SORCS2: variants seen among roughly 807,000 people sequenced by gnomAD.
The protein encoded by SORCS2 is VPS10 domain-containing receptor SorCS2.
In SORCS2, 100 loss-of-function variants were observed where a neutral mutation model predicts 141.6. The ratio of observed to expected loss-of-function variants is 0.71; its 90% CI spans 0.60 to 0.83. SORCS2 has a LOEUF of 0.83. SORCS2 is among the 40% of genes least tolerant of loss of function. The probability of loss-of-function intolerance (pLI) is 0.00; values close to 1 mark genes in which losing one functional copy is unlikely to be tolerated. For synonymous variants in SORCS2, 789 were observed against 676.9 expected (o/e 1.17, Z -2.57); for missense variants, 1,646 against 1,560.2 (o/e 1.05, Z -0.93).
rs1026208050 is a variant in SORCS2, at chr4:7,201,734, G to A, written c.480+8608G>A. Among the ~76,000 whole-genome samples, 2 of 152,114 alleles carry A rather than the reference G, an allele frequency of 1.3e-5. No individual in the cohort carries two copies. The highest frequency in any genetic ancestry group is 2.4e-5 in the African/African-American group (1 of 41,412). ...GGATGAGTTATTTATAGGTTCTTACGAATGGCCCACTTTGTCCTCGCCCCT... is the reference window on the plus strand; with the variant it reads ...GGATGAGTTATTTATAGGTTCTTACAAATGGCCCACTTTGTCCTCGCCCCT... On this transcript the variant is annotated intron_variant, in intron 1 of 26. Coordinates refer to ENST00000507866, the MANE Select transcript of SORCS2 (RefSeq NM_020777.3). This position sits in a 1 kb window ranked among gnomAD's most constrained non-coding sequence, Gnocchi z 4.4.
chr4:7,390,877 C>T (rs184291590), intron 1 of SORCS2, among the ~76,000 whole-genome samples: 16 of 152,274 alleles, frequency 1.1e-4, no homozygotes, highest in Admixed American at 2.6e-4. Flanking sequence ...AGGCATCGAT[C>T]GGCTCTAGTT....
chr4:7,630,605 GA>G (rs1454713155), intron 3 of SORCS2, among the ~76,000 whole-genome samples: 2 of 152,200 alleles, frequency 1.3e-5, no homozygotes, highest in African/African-American at 2.4e-5. Flanking sequence ...CTAGCCGCCG[GA>G]GTGTGTGCTG....
At chr4:7,543,664 C>G (rs1712915072) in intron 3 of SORCS2, among the ~76,000 whole-genome samples, 1 of 147,044 alleles carries the variant, frequency 6.8e-6, no homozygotes. Flanking sequence ...ATCCACCCAC[C>G]CATCCATCCA....
At chr4:7,646,456 T>A (rs1052694340) in intron 4 of SORCS2, among the ~76,000 whole-genome samples, 2 of 152,242 alleles carry the variant, frequency 1.3e-5, no homozygotes, top group African/African-American at 2.4e-5. Flanking sequence ...CAATCCCATT[T>A]GACTGGTGTC....
intron 1 of SORCS2, among the ~76,000 whole-genome samples, chr4:7,373,289 C>T (rs12511814): frequency 0.69 from 103,335 of 150,142 alleles, 35,861 homozygotes; most frequent in East Asian, 0.93. Flanking sequence ...TGTGTAGTGA[C>T]ATTGCATTGT....
chr4:7,415,938 G>A (rs1014542186), intron 2 of SORCS2, among the ~76,000 whole-genome samples: 3 of 152,198 alleles, frequency 2.0e-5, no homozygotes, highest in African/African-American at 7.2e-5. Flanking sequence ...TGTCTGAACT[G>A]GACTTTGAAG....
chr4:7,216,181 C>A (rs1439753378), intron 1 of SORCS2, among the ~76,000 whole-genome samples: 1 of 152,140 alleles, frequency 6.6e-6, no homozygotes, highest in Non-Finnish European at 1.5e-5. Context: ...GTGACACTCA[C>A]CGCAAAGGTC....
chr4:7,366,490 C>G (rs1302134063), intron 1 of SORCS2, among the ~76,000 whole-genome samples: 4 of 102,672 alleles, frequency 3.9e-5, no homozygotes, highest in African/African-American at 1.0e-4. Context: ...CCTCTCTCCC[C>G]CAACACTCCT....
chr4:7,707,620 C>T lies in SORCS2; in HGVS notation c.1868+3336C>T, dbSNP rs149882083. Reference sequence around the variant, plus strand: ...CCCTTCGAGGATCTGATCCCATCTGCAGGGTTGCCCTTGCTGGTGGCTGTG... The same window carrying T: ...CCCTTCGAGGATCTGATCCCATCTGTAGGGTTGCCCTTGCTGGTGGCTGTG... On this transcript the variant is annotated intron_variant, in intron 14 of 26. Coordinates refer to ENST00000507866, the MANE Select transcript of SORCS2 (RefSeq NM_020777.3). Among the ~76,000 whole-genome samples the T allele has an allele frequency of 2.7e-3, 418 of 152,358 alleles. 5 individuals are homozygous for T. Among genetic ancestry groups the T allele is most frequent in the African/African-American group, 9.4e-3 (389 of 41,588 alleles).
chr4:7,500,879 G>A (rs778374833), intron 2 of SORCS2, among the ~76,000 whole-genome samples: 6 of 152,120 alleles, frequency 3.9e-5, no homozygotes, highest in South Asian at 4.1e-4. Context: ...GGCAGCCCCC[G>A]CAGAATGAAA....
chr4:7,432,826 C>T (rs1008388088), intron 2 of SORCS2: 1 of 149,418 alleles, frequency 6.7e-6, no homozygotes, highest in African/African-American at 2.5e-5. Flanking sequence ...TTGAGAAGCT[C>T]TGGCCTGAGC....
intron 1 of SORCS2, among the ~76,000 whole-genome samples, chr4:7,354,649 A>C (rs1721141086): frequency 6.6e-6 from 1 of 152,134 alleles, no homozygotes; most frequent in Non-Finnish European, 1.5e-5. Context: ...CAAATCGGGG[A>C]AGGGCACTAA....
rs980853562 is a variant in SORCS2, at chr4:7,663,078, G to T, written c.953-1275G>T. 2.6e-5 allele frequency among the ~76,000 whole-genome samples: 4 copies of T among 152,064 alleles called. No individual in the cohort carries two copies. The highest frequency in any genetic ancestry group is 1.5e-5 in the Non-Finnish European group (1 of 67,996). On this transcript the variant is annotated intron_variant, in intron 6 of 26. Transcript: ENST00000507866. The surrounding 1 kb of genome is among the most constrained non-coding windows in gnomAD (Gnocchi z 4.8). ...ATTGAGTGAAAGAGTGGGTGAATGA[G>T]TGAGTGAGTGAGTGAATGAGTAAGT...
At chr4:7,392,816 C>T (rs1012290467) in intron 1 of SORCS2, among the ~76,000 whole-genome samples, 4 of 151,758 alleles carry the variant, frequency 2.6e-5, no homozygotes, top group East Asian at 3.9e-4. Flanking sequence ...CTGCTGTGTG[C>T]GATGCCACAG....
chr4:7,692,352 A>C (rs933857552), intron 11 of SORCS2, among the ~76,000 whole-genome samples: 2 of 152,196 alleles, frequency 1.3e-5, no homozygotes, highest in Non-Finnish European at 2.9e-5. Context: ...GCAGGCAGAC[A>C]AGAGGGAAAA....
At chr4:7,454,378 G>C (rs1644982618) in intron 2 of SORCS2, among the ~76,000 whole-genome samples, 1 of 140,556 alleles carries the variant, frequency 7.1e-6, no homozygotes, top group South Asian at 2.5e-4. Flanking sequence ...CTGTGTGTTG[G>C]GGTCAGGTGC....
intron 3 of SORCS2, among the ~76,000 whole-genome samples, chr4:7,570,747 C>G (rs926304202): frequency 2.0e-5 from 3 of 152,260 alleles, no homozygotes; most frequent in South Asian, 4.1e-4. Context: ...CTTTTCATCT[C>G]CAGGAACCCC....
chr4:7,473,472 G>T (rs1459091656), intron 2 of SORCS2, among the ~76,000 whole-genome samples: 3 of 152,190 alleles, frequency 2.0e-5, no homozygotes, highest in Admixed American at 2.0e-4. Flanking sequence ...GGGCTGAGGG[G>T]CGTGCACTCC....
intron 1 of SORCS2, among the ~76,000 whole-genome samples, chr4:7,391,632 C>T (rs1305005527): frequency 1.3e-5 from 2 of 152,176 alleles, no homozygotes; most frequent in East Asian, 3.8e-4. Flanking sequence ...CGAGCAGGCC[C>T]TTCCCTGGAA....
Sources: gnomAD v4.1 joint callset for allele counts (sites outside exome capture counted in the v4.1 genomes callset) on GRCh38, gnomAD v4.1.1 for gene constraint, Gnocchi (gnomAD v3.1) non-coding constraint, MANE v1.5 for transcripts, NCBI Gene and HGNC (gene_info 2026-07-23, HGNC 2026-07-21) for gene names.